The following YAE1 variants were observed in gnomAD, a reference collection of about 807,000 sequenced individuals.
The protein encoded by YAE1 is YAE1 maturation factor of ABCE1.
Under a neutral mutation model 23.0 loss-of-function variants are expected in YAE1, and 22 were observed. That is an observed-to-expected ratio of 0.96 (90% confidence interval 0.68 to 1.37). The LOEUF (loss-of-function observed/expected upper bound fraction) is 1.37, where lower values mean the gene tolerates loss of function less well. Ranked by LOEUF, YAE1 falls within the 40% of genes most tolerant of loss-of-function variation. The pLI is 0.00. For missense variants in YAE1, 260 were observed against 262.1 expected, an observed-to-expected ratio of 0.99 and a Z score of 0.06; for synonymous variants, 101 against 97.0, an observed-to-expected ratio of 1.04 and a Z score of -0.24.
At chr7:39,587,900 G>C (rs925316412) in intron 2 of YAE1, among the ~76,000 whole-genome samples, 2 of 152,096 alleles carry the variant, frequency 1.3e-5, no homozygotes. Context: ...ATAAAATTTA[G>C]AAAACAAAAA....
Position 39,572,841 on chromosome 7 carries a change from T to C in YAE1, c.*135T>C. The C allele has an allele frequency of 7.2e-7, 1 of 1,382,202 alleles. No individual in the cohort carries two copies. The highest frequency in any genetic ancestry group is 3.4e-5 in the Admixed American group (1 of 29,550). The allele number at this position is 1,382,202 out of a possible 1,614,324, so 85.6% of individuals were successfully genotyped here. A position where few individuals can be genotyped will look rare whatever the true frequency, so the allele number is the denominator to read the frequency against. On this transcript the variant is annotated 3_prime_UTR_variant, in exon 3 of 3. Coordinates refer to ENST00000223273, the MANE Select transcript of YAE1 (RefSeq NM_020192.5). Reference sequence around the variant, plus strand: ...TATGGAAGTTTGAAATTAACACTATTGTCTTCAAAATTAACACTATTAAAT... The same window carrying C: ...TATGGAAGTTTGAAATTAACACTATCGTCTTCAAAATTAACACTATTAAAT...
Position 39,566,527 on chromosome 7 carries a change from A to C in YAE1, c.109A>C (p.Asn37His). The change falls in exon 1 of 3, where the codon AAC becomes CAC. Residue 37 changes from asparagine to histidine, a missense_variant. Transcript: ENST00000223273. ...CCTGGCGCAGCGGGAATGGCAGAGT[A>C]ACATGCAAAGACGAGTCAAAGTAAA... Reference protein sequence around the residue: ...SLLAQREWQSNMQRRVKEGYR... With the variant: ...SLLAQREWQSHMQRRVKEGYR... The C allele has an allele frequency of 6.2e-7, 1 of 1,614,102 alleles. No homozygotes were observed. Among genetic ancestry groups the C allele is most frequent in the Non-Finnish European group, 8.5e-7 (1 of 1,179,966 alleles).
chr7:39,580,515 A>G (rs1790726218), intron 2 of YAE1, among the ~76,000 whole-genome samples: 1 of 151,382 alleles, frequency 6.6e-6, no homozygotes, highest in Admixed American at 6.6e-5. Flanking sequence ...ATGCATGTGT[A>G]TGCAACTCAC....
downstream of YAE1, chr7:39,572,894 T>G: frequency 8.2e-7 from 1 of 1,220,168 alleles, no homozygotes; most frequent in African/African-American, 1.5e-5. Context: ...TCTTTGTCAC[T>G]GGTAATTTTT....
chr7:39,596,727 G>A (rs972809996), intron 2 of YAE1, among the ~76,000 whole-genome samples: 26 of 151,796 alleles, frequency 1.7e-4, no homozygotes, highest in African/African-American at 5.6e-4. Context: ...TCTCTTCCCC[G>A]TTAGACAATC....
intron 2 of YAE1, among the ~76,000 whole-genome samples, chr7:39,571,814 TC>T (rs1368434584): frequency 6.6e-6 from 1 of 152,178 alleles, no homozygotes; most frequent in Non-Finnish European, 1.5e-5. Flanking sequence ...CTTGAAAACT[TC>T]TTTTCTCTAA....
chr7:39,575,577 A>AGAGTGTGT (rs1173016799), downstream of YAE1, among the ~76,000 whole-genome samples: 9 of 80,258 alleles, frequency 1.1e-4, no homozygotes, highest in East Asian at 6.2e-4. Context: ...AGAGAGAGAG[A>AGAGTGTGT]GTGAGTGTGT....
At chr7:39,584,318 CTA>C (rs1790782987) in intron 2 of YAE1, among the ~76,000 whole-genome samples, 4 of 152,088 alleles carry the variant, frequency 2.6e-5, no homozygotes, top group Admixed American at 2.6e-4. Context: ...AAAGGGGGTA[CTA>C]CTAGCAATAG....
At chr7:39,576,618 A>G (rs1790660141), downstream of YAE1, among the ~76,000 whole-genome samples, 1 of 152,136 alleles carries the variant, frequency 6.6e-6, no homozygotes, top group Non-Finnish European at 1.5e-5. Flanking sequence ...GTCACCCTCC[A>G]ATACCAGCTT....
chr7:39,601,867 T>C (rs1378867417), intron 2 of YAE1, among the ~76,000 whole-genome samples: 1 of 152,134 alleles, frequency 6.6e-6, no homozygotes, highest in East Asian at 1.9e-4. Context: ...GAGCATTATA[T>C]AGATTTGACA....
intron 1 of YAE1, among the ~76,000 whole-genome samples, chr7:39,567,947 A>G (rs1251349885): frequency 6.6e-6 from 1 of 152,208 alleles, no homozygotes; most frequent in Non-Finnish European, 1.5e-5. Context: ...GTAAAAATAC[A>G]CTAAGTGTAC....
At chr7:39,611,871 C>A (rs1306737722), downstream of YAE1, among the ~76,000 whole-genome samples, 1 of 152,040 alleles carries the variant, frequency 6.6e-6, no homozygotes, top group Admixed American at 6.5e-5. Flanking sequence ...GAGCTTAATT[C>A]AAATTTATGC....
intron 2 of YAE1, among the ~76,000 whole-genome samples, chr7:39,594,783 A>C (rs901922557): frequency 6.6e-6 from 1 of 152,030 alleles, no homozygotes; most frequent in Non-Finnish European, 1.5e-5. Context: ...TTTAGTAGAG[A>C]TGGGCTTTCA....
At chr7:39,611,328 C>T (rs1267463770), downstream of YAE1, among the ~76,000 whole-genome samples, 2 of 152,100 alleles carry the variant, frequency 1.3e-5, no homozygotes, top group African/African-American at 4.8e-5. Context: ...CCTTAAAATT[C>T]CCAAATGGAG....
At chr7:39,576,926 C>T (rs1422852110), downstream of YAE1, among the ~76,000 whole-genome samples, 2 of 152,166 alleles carry the variant, frequency 1.3e-5, no homozygotes, top group East Asian at 3.9e-4. Context: ...TGGAGTTTTA[C>T]TCCTGTTGCC....
chr7:39,593,099 T>G (rs1790923142), intron 2 of YAE1, among the ~76,000 whole-genome samples: 2 of 151,672 alleles, frequency 1.3e-5, no homozygotes, highest in South Asian at 4.2e-4. Flanking sequence ...ATCTCCAATC[T>G]ACAGTTAAGC....
chr7:39,592,171 G>A (rs1790909577), intron 2 of YAE1, among the ~76,000 whole-genome samples: 2 of 152,292 alleles, frequency 1.3e-5, no homozygotes, highest in African/African-American at 4.8e-5. Context: ...CATGAACATA[G>A]TTTTCAACTC....
At chr7:39,607,950 T>C (rs867600362) in intron 2 of YAE1, among the ~76,000 whole-genome samples, 10 of 152,170 alleles carry the variant, frequency 6.6e-5, no homozygotes, top group African/African-American at 2.4e-4. Context: ...ATTACAGGAG[T>C]GAGCCAGGGC....
intron 1 of YAE1, chr7:39,569,767 C>T (rs989479811): frequency 1.3e-6 from 1 of 756,436 alleles, no homozygotes; most frequent in Non-Finnish European, 2.5e-6. Flanking sequence ...TGAACAGAAC[C>T]TGAAACAAAC....
Sources: allele counts gnomAD v4.1 joint callset (sites outside exome capture counted in the v4.1 genomes callset), GRCh38; gene constraint gnomAD v4.1.1; transcripts MANE v1.5; gene names NCBI Gene and HGNC (gene_info 2026-07-23, HGNC 2026-07-21).